ZNF493: variants seen among roughly 807,000 people sequenced by gnomAD.
ZNF493 encodes the protein zinc finger protein 493.
A neutral mutation model predicts 12.2 loss-of-function variants in ZNF493; 11 were observed. That is an observed-to-expected ratio of 0.90 (90% CI 0.57 to 1.50). The LOEUF is 1.50. Ranked by LOEUF, ZNF493 falls within the 40% of genes most tolerant of loss-of-function variation. ZNF493 has a pLI of 0.00. For missense variants in ZNF493, 950 were observed against 906.6 expected (o/e 1.05, Z -0.61); for synonymous variants, 286 against 302.6 (o/e 0.95, Z 0.57).
At chr19:21,410,031 C>CT (rs532455648) in intron 3 of ZNF493, among the ~76,000 whole-genome samples, 52 of 141,620 alleles carry the variant, frequency 3.7e-4, no homozygotes, top group African/African-American at 1.3e-3. Context: ...ATATTTTCTT[C>CT]TTTAAGACTG....
At chr19:21,414,544 G>A (rs1363040867) in intron 3 of ZNF493, 2 of 152,176 alleles carry the variant, frequency 1.3e-5, no homozygotes, top group African/African-American at 4.8e-5. Context: ...AGGATGCATT[G>A]TACTCCTAAC....
At position 21,410,543 on chromosome 19, in the gene ZNF493, AAATT is replaced by A. The variant is rs375800115; in HGVS notation, c.253+4692_253+4695del. Among the ~76,000 whole-genome samples the A allele has an allele frequency of 1.0e-3, 159 of 152,208 alleles. 4 individuals are homozygous for A. In the South Asian group the frequency reaches 0.019, roughly 19 times the overall value. On this transcript the variant is annotated intron_variant, in intron 3 of 3. Coordinates refer to ENST00000392288, the MANE Select transcript of ZNF493 (RefSeq NM_001076678.3). ...TTTGTTCAATTATTTGCTCATCTAT[AAATT>A]AATTTAGCTTTATTGTTCAGTTTTA... is the stretch of plus-strand genomic sequence containing the variant.
At chr19:21,422,423 C>CTTTATTTATTTATTTA (rs56412249) in intron 3 of ZNF493, among the ~76,000 whole-genome samples, 4 of 129,492 alleles carry the variant, frequency 3.1e-5, no homozygotes, top group Admixed American at 8.2e-5. Flanking sequence ...CAAGTTACTT[C>CTTTATTTATTTATTTA]TTTATTTATT....
At position 21,397,293 on chromosome 19, in the gene ZNF493, G is replaced by C. The variant is rs756622881; in HGVS notation, c.30+26G>C. ...GTGAGAGTGCTGGGTCCGACATCAC[G>C]AGAGAGGGGAAGGAGTTGCTCGGAA... On this transcript the variant is annotated intron_variant, in intron 1 of 3. Coordinates refer to ENST00000392288, the MANE Select transcript of ZNF493 (RefSeq NM_001076678.3). The C allele has an allele frequency of 2.5e-6, 4 of 1,614,116 alleles. No homozygotes were observed. In the Admixed American group the frequency reaches 6.7e-5, roughly 27 times the overall value.
chr19:21,402,962 C>T (rs35578515), intron 1 of ZNF493, among the ~76,000 whole-genome samples: 32,039 of 152,134 alleles, frequency 0.21, 3,468 homozygotes, highest in Non-Finnish European at 0.24. Flanking sequence ...TGGAGTTCCA[C>T]CAAAGCAGTT....
At chr19:21,413,305 A>G in intron 3 of ZNF493, 3 of 390,480 alleles carry the variant, frequency 7.7e-6, no homozygotes, top group African/African-American at 2.1e-5. Context: ...GAGTGATTAC[A>G]TCCAGGCATT....
intron 1 of ZNF493, among the ~76,000 whole-genome samples, chr19:21,400,155 T>TA (rs2029891144): frequency 6.6e-6 from 1 of 152,224 alleles, no homozygotes; most frequent in Non-Finnish European, 1.5e-5. Context: ...CTCATGCCTG[T>TA]AATCCCAGCA....
Position 21,397,248 on chromosome 19 carries a change from C to A in ZNF493, c.11C>A (p.Pro4His). The change falls in exon 1 of 4, where the codon CCC becomes CAC. Residue 4 changes from proline (P) to histidine (H), a missense_variant. Physicochemically the swap from Pro to His is moderately conservative, Grantham distance 77. Transcript: ENST00000392288. ...AAATCCATAGCTAAGATGCCAGGAC[C>A]CCCTGAAAGCCTAGACATGGTGAGA... MPG[P>H]PESLDMGPLT... The A allele has an allele frequency of 1.9e-6, 3 of 1,614,200 alleles. No individual in the cohort carries two copies.
rs570014589 is a variant in ZNF493, at chr19:21,397,758, T to C, written c.30+491T>C. On this transcript the variant is annotated intron_variant, in intron 1 of 3. Coordinates refer to ENST00000392288, the MANE Select transcript of ZNF493 (RefSeq NM_001076678.3). ...CAGCTATGGTTTGTAGTTTGTGGTC[T>C]GTGGGAGAGGCTTGAAGGAAAGTCT... 11 of 241,292 alleles carry C rather than the reference T, an allele frequency of 4.6e-5. No individual in the cohort carries two copies. In the East Asian group the frequency reaches 9.4e-4, roughly 21 times the overall value. The allele number at this position is 241,292 out of a possible 1,614,324, so 14.9% of individuals were successfully genotyped here. A position where few individuals can be genotyped will look rare whatever the true frequency, so the allele number is the denominator to read the frequency against.
In ZNF493 at chr19:21,397,641, G is replaced by A. The variant is rs1974194632; in HGVS notation, c.30+374G>A. 2.1e-5 allele frequency: 10 copies of A among 468,352 alleles called. No homozygotes were observed. The East Asian group carries it at 3.3e-4, about 15-fold the overall frequency. 29.0% of individuals were successfully genotyped at this position (468,352 alleles called of 1,614,324 possible). A position where few individuals can be genotyped will look rare whatever the true frequency, so the allele number is the denominator to read the frequency against. On this transcript the variant is annotated intron_variant, in intron 1 of 3. Transcript: ENST00000392288. ...AGAGCTTTGGTCCGTGGGGTTCCCA[G>A]TTGCTATTTTCTCCTATTAAAAATT...
rs955546188 is a variant in ZNF493, at chr19:21,401,708, C to T, written c.31-3421C>T. On this transcript the variant is annotated intron_variant, in intron 1 of 3. Coordinates refer to ENST00000392288, the MANE Select transcript of ZNF493 (RefSeq NM_001076678.3). Reference sequence around the variant, plus strand: ...TGGCACAGTCTCAGCTCACTGCAACCTCCACCTCCTGAGTTTAAGCAATGC... The same window carrying T: ...TGGCACAGTCTCAGCTCACTGCAACTTCCACCTCCTGAGTTTAAGCAATGC... Among the ~76,000 whole-genome samples, 3 of 151,674 alleles carry T rather than the reference C, an allele frequency of 2.0e-5. No homozygotes were observed. The South Asian group carries it at 6.2e-4, about 32-fold the overall frequency.
intron 1 of ZNF493, among the ~76,000 whole-genome samples, chr19:21,402,457 A>T (rs748784140): frequency 5.3e-5 from 8 of 152,140 alleles, no homozygotes; most frequent in Admixed American, 2.0e-4. Context: ...TAGACATATT[A>T]ATAGAATGGG....
rs773081781 is a variant in ZNF493 at position 21,423,264 on chromosome 19, G to C, written c.605G>C (p.Arg202Thr). The change falls in exon 4 of 4, where the codon AGA (arginine) becomes ACA (threonine). Residue 202 changes from arginine (R) to threonine (T), a missense_variant. By Grantham distance (71) the Arg-to-Thr change is moderately conservative. Coordinates refer to ENST00000392288, the MANE Select transcript of ZNF493 (RefSeq NM_001076678.3). ...CTTTTACACCTATGTCAGCATAAAA[G>C]AATTCATATTAGAGAGAATTCTTAC... ...CMLLHLCQHK[R>T]IHIRENSYRC... 6.2e-7 allele frequency: 1 copy of C among 1,613,746 alleles called. No individual in the cohort carries two copies. The highest frequency in any genetic ancestry group is 8.5e-7 in the Non-Finnish European group (1 of 1,179,826).
intron 3 of ZNF493, among the ~76,000 whole-genome samples, chr19:21,419,633 A>C (rs568692163): frequency 6.6e-6 from 1 of 152,248 alleles, no homozygotes; most frequent in East Asian, 1.9e-4. Context: ...CACCCAGATT[A>C]AGGGTGGGTC....
intron 3 of ZNF493, among the ~76,000 whole-genome samples, chr19:21,420,604 TATATATATATATATATATA>T (rs1225256885): frequency 6.9e-5 from 1 of 14,576 alleles, no homozygotes; most frequent in Admixed American, 4.8e-4. Context: ...TATATATATA[TATATATATATATATATATA>T]TTTTTTTTTT....
intron 3 of ZNF493, among the ~76,000 whole-genome samples, chr19:21,416,690 G>A (rs570170626): frequency 2.0e-4 from 30 of 152,126 alleles, no homozygotes; most frequent in Admixed American, 4.6e-4. Context: ...CCTCCTGTTC[G>A]TTTAATTTCA....
chr19:21,403,052 C>T (rs527358227), intron 1 of ZNF493, among the ~76,000 whole-genome samples: 20 of 152,326 alleles, frequency 1.3e-4, no homozygotes, highest in Admixed American at 3.3e-4. Context: ...CACTGAGAAC[C>T]GTCTCACAAT....
intron 3 of ZNF493, among the ~76,000 whole-genome samples, chr19:21,418,508 C>T (rs1024794241): frequency 2.6e-5 from 4 of 152,108 alleles, no homozygotes; most frequent in Non-Finnish European, 4.4e-5. Flanking sequence ...AACCTGGATT[C>T]GAGCCCCCAT....
intron 3 of ZNF493, among the ~76,000 whole-genome samples, 155 bp downstream of exon 3, chr19:21,406,011 A>G (rs1366033265): frequency 6.6e-6 from 1 of 151,824 alleles, no homozygotes; most frequent in Non-Finnish European, 1.5e-5. Context: ...ACCTGAGCTC[A>G]GGAGTTCGAG....
Sources: allele counts gnomAD v4.1 joint callset (sites outside exome capture counted in the v4.1 genomes callset), GRCh38; gene constraint gnomAD v4.1.1; transcripts MANE v1.5; gene names NCBI Gene and HGNC (gene_info 2026-07-23, HGNC 2026-07-21).